Variants in ANKRD10 observed in about 807,000 individuals in gnomAD.
ANKRD10 encodes the protein ankyrin repeat domain 10.
Under a neutral mutation model 27.0 loss-of-function variants are expected in ANKRD10, and 14 were observed. That is an observed-to-expected ratio of 0.52 (90% confidence interval 0.34 to 0.81). The LOEUF (loss-of-function observed/expected upper bound fraction) is 0.81, where lower values mean the gene tolerates loss of function less well. Ranked by LOEUF, ANKRD10 falls within the 40% of genes least tolerant of loss-of-function variation. The pLI, the probability that ANKRD10 is intolerant of heterozygous loss-of-function variation, is 0.01. For missense variants in ANKRD10, 493 were observed against 544.0 expected (o/e 0.91, Z 0.93); for synonymous variants, 250 against 224.5 (o/e 1.11, Z -1.01).
At chr13:110,896,958 T>C (rs923344443) in intron 3 of ANKRD10, among the ~76,000 whole-genome samples, 3 of 144,352 alleles carry the variant, frequency 2.1e-5, no homozygotes, top group South Asian at 2.2e-4. Context: ...ATGGGGTACA[T>C]TGTAAATTCC....
At chr13:110,897,116 T>C (rs1259507573) in intron 3 of ANKRD10, among the ~76,000 whole-genome samples, 2 of 152,046 alleles carry the variant, frequency 1.3e-5, no homozygotes, top group African/African-American at 4.8e-5. Flanking sequence ...AGAATTTATC[T>C]TTCCATCTAG....
At chr13:110,889,255 ATGAT>A (rs762927677) in intron 4 of ANKRD10, among the ~76,000 whole-genome samples, 52 of 152,340 alleles carry the variant, frequency 3.4e-4, no homozygotes, top group Non-Finnish European at 6.0e-4. Context: ...ATCAGAGCAA[ATGAT>A]TGATAAAAAC....
intron 3 of ANKRD10, chr13:110,894,657 G>A (rs1273386409): frequency 6.6e-6 from 1 of 152,238 alleles, no homozygotes. Flanking sequence ...AGAGATAAAA[G>A]AGAATTGAGA....
At position 110,894,432 on chromosome 13, in the gene ANKRD10, G is replaced by A. The variant is rs994560075; in HGVS notation, c.456-1169C>T. 49 of 207,080 alleles carry A rather than the reference G, an allele frequency of 2.4e-4. No individual in the cohort carries two copies. The South Asian group carries it at 5.4e-3, about 23-fold the overall frequency. The allele number at this position is 207,080 out of a possible 1,614,324, so 12.8% of individuals were successfully genotyped here. A position where few individuals can be genotyped will look rare whatever the true frequency, so the allele number is the denominator to read the frequency against. On this transcript the variant is annotated intron_variant, in intron 3 of 5. Coordinates refer to ENST00000267339, the MANE Select transcript of ANKRD10 (RefSeq NM_017664.4). ...AAAAAAAAAAAAAAAAAAAAACCCC[G>A]CATTTGAGAGTGAAAACTACAGAAT...
rs558520588 is a variant in ANKRD10, at chr13:110,907,433, T to C, written c.364-1309A>G. On this transcript the variant is annotated intron_variant, in intron 2 of 5. Transcript: ENST00000267339. ...GTGGGTCACTTAGAAAACAGTTCAT[T>C]CCTAAACTCACTAAATAGCTAAGCT... Among the ~76,000 whole-genome samples, 6 of 152,198 alleles carry C rather than the reference T, an allele frequency of 3.9e-5. No homozygotes were observed. The East Asian group carries it at 1.2e-3, about 29-fold the overall frequency.
intron 4 of ANKRD10, among the ~76,000 whole-genome samples, chr13:110,892,436 A>AAAAAAAAAAAAAAAAAAAAAT (rs1555321016): frequency 4.2e-5 from 6 of 144,572 alleles, no homozygotes; most frequent in Non-Finnish European, 6.1e-5. Context: ...AAAAAAAAAA[A>AAAAAAAAAAAAAAAAAAAAAT]TGGTGGGAGA....
intron 1 of ANKRD10, among the ~76,000 whole-genome samples, chr13:110,913,378 T>C (rs529849450): frequency 1.0e-3 from 157 of 152,328 alleles, no homozygotes; most frequent in African/African-American, 3.6e-3. Flanking sequence ...TTTATTACTT[T>C]TGTTTGTTAA....
chr13:110,892,814 T>A, intron 4 of ANKRD10: 1 of 1,344,320 alleles, frequency 7.4e-7, no homozygotes, highest in Non-Finnish European at 9.5e-7. Context: ...CATTTACACT[T>A]GGGCCATCAG....
intron 3 of ANKRD10, chr13:110,903,408 G>A (rs535156501): frequency 6.5e-6 from 1 of 154,362 alleles, no homozygotes; most frequent in South Asian, 2.0e-4. Flanking sequence ...CTCACACACA[G>A]AAAACTTGGC....
chr13:110,886,004 C>T (rs983815027), intron 4 of ANKRD10, among the ~76,000 whole-genome samples: 11 of 152,230 alleles, frequency 7.2e-5, no homozygotes, highest in Non-Finnish European at 1.5e-4. Flanking sequence ...TGAAGCCCAC[C>T]CACTAGCCAG....
chr13:110,899,104 T>C (rs2065313282), intron 3 of ANKRD10: 1 of 152,168 alleles, frequency 6.6e-6, no homozygotes, highest in Non-Finnish European at 1.5e-5. Flanking sequence ...CCACAGGTAT[T>C]GACTTAGTGT....
intron 1 of ANKRD10, among the ~76,000 whole-genome samples, chr13:110,913,438 G>A (rs534008608): frequency 2.5e-4 from 38 of 152,316 alleles, no homozygotes; most frequent in African/African-American, 8.9e-4. Flanking sequence ...TACTACGGTT[G>A]CACAACTTCA....
At chr13:110,892,799 A>G in intron 4 of ANKRD10, 5 of 1,274,438 alleles carry the variant, frequency 3.9e-6, no homozygotes, top group Non-Finnish European at 5.0e-6. Context: ...AAAGTTCCAC[A>G]TAGACATTTA....
In ANKRD10 at chr13:110,879,524, A is replaced by T; in HGVS notation, c.*113T>A. 2 of 803,302 alleles carry T rather than the reference A, an allele frequency of 2.5e-6. No homozygotes were observed. Among genetic ancestry groups the T allele is most frequent in the Non-Finnish European group, 3.9e-6 (2 of 510,110 alleles). 49.8% of individuals were successfully genotyped at this position (803,302 alleles called of 1,614,324 possible). A position where few individuals can be genotyped will look rare whatever the true frequency, so the allele number is the denominator to read the frequency against. On this transcript the variant is annotated 3_prime_UTR_variant, in exon 6 of 6. Coordinates refer to ENST00000267339, the MANE Select transcript of ANKRD10 (RefSeq NM_017664.4). ...CGAAGTTTACTTTTTCAGAAAGTTG[A>T]AGTATATAAAAAACGTACAAGTTGT...
chr13:110,887,171 C>T (rs959187161), intron 4 of ANKRD10, among the ~76,000 whole-genome samples: 5 of 152,292 alleles, frequency 3.3e-5, no homozygotes, highest in Admixed American at 1.3e-4. Flanking sequence ...GGCTGATGCC[C>T]AGGGCAACTA....
In ANKRD10 at chr13:110,879,797, A is replaced by G. The variant is rs767914401; in HGVS notation, c.1103T>C (p.Ile368Thr). Residue 368 changes from isoleucine to threonine, a missense_variant, in exon 6 of 6, where the codon ATT becomes ACT. Coordinates refer to ENST00000267339, the MANE Select transcript of ANKRD10 (RefSeq NM_017664.4). ...IASRPSWVED[I>T]GDNLYYGHYH... is the part of the protein sequence containing the mutation. ...GTGTCCATAGTACAGGTTATCCCCAATGTCTTCCACCCAGGAAGGCCTACT... is the reference window on the plus strand; with the variant it reads ...GTGTCCATAGTACAGGTTATCCCCAGTGTCTTCCACCCAGGAAGGCCTACT... The G allele has an allele frequency of 5.2e-5, 84 of 1,614,028 alleles. No homozygotes were observed. The highest frequency in any genetic ancestry group is 1.6e-4 in the Middle Eastern group (1 of 6,084).
At chr13:110,885,762 A>G (rs910994977) in intron 4 of ANKRD10, among the ~76,000 whole-genome samples, 2 of 152,132 alleles carry the variant, frequency 1.3e-5, no homozygotes, top group Non-Finnish European at 2.9e-5. Context: ...TTTGTACAAA[A>G]GAGTGGACTT....
At chr13:110,904,134 T>A (rs1300698530) in intron 3 of ANKRD10, 1 of 152,262 alleles carries the variant, frequency 6.6e-6, no homozygotes, top group Non-Finnish European at 1.5e-5. Flanking sequence ...TGATTACTTG[T>A]GCTCTATCTC....
chr13:110,880,235 GTTCT>G (rs1342564563), intron 5 of ANKRD10, 123 bp from the exon 6 acceptor site: 2 of 845,430 alleles, frequency 2.4e-6, no homozygotes, highest in South Asian at 1.9e-5. Flanking sequence ...TTTTAAACCA[GTTCT>G]TTTTTCAAAG....
Sources: allele counts gnomAD v4.1 joint callset (sites outside exome capture counted in the v4.1 genomes callset), GRCh38; gene constraint gnomAD v4.1.1; transcripts MANE v1.5; gene names NCBI Gene and HGNC (gene_info 2026-07-23, HGNC 2026-07-21).